Variants in DNAJA4 observed in about 807,000 individuals in gnomAD.
The protein encoded by DNAJA4 is dnaJ homolog subfamily A member 4.
A neutral mutation model predicts 39.7 loss-of-function variants in DNAJA4; 32 were observed. The observed-to-expected ratio is 0.81, with a 90% CI of 0.61 to 1.08. The LOEUF (loss-of-function observed/expected upper bound fraction) is 1.08. DNAJA4 is among the 50% of genes least tolerant of loss of function. The pLI, the probability that DNAJA4 is intolerant of heterozygous loss-of-function variation, is 0.00. For synonymous variants in DNAJA4, 184 were observed against 182.4 expected (o/e 1.01, Z -0.07); for missense variants, 439 against 505.1 (o/e 0.87, Z 1.25).
At chr15:78,266,512 T>TG (rs2049126828) in intron 1 of DNAJA4, among the ~76,000 whole-genome samples, 1 of 152,224 alleles carries the variant, frequency 6.6e-6, no homozygotes, top group South Asian at 2.1e-4. Flanking sequence ...CAGTGAGGTC[T>TG]GGCAGGCCCA....
intron 1 of DNAJA4, among the ~76,000 whole-genome samples, chr15:78,268,877 A>G (rs985203085): frequency 2.6e-5 from 4 of 152,154 alleles, no homozygotes; most frequent in Admixed American, 2.6e-4. Context: ...GTGGTTCATG[A>G]TATGGAGAAA....
chr15:78,264,821 G>C lies in DNAJA4; in HGVS notation c.58G>C (p.Glu20Gln), dbSNP rs148533324. 9.9e-6 allele frequency: 16 copies of C among 1,611,168 alleles called. No individual in the cohort carries two copies. The African/African-American group carries it at 2.1e-4, about 22-fold the overall frequency. Residue 20 changes from glutamate to glutamine, a missense_variant, in exon 1 of 7, where the codon GAG (glutamate) becomes CAG (glutamine). Coordinates refer to ENST00000394852, the MANE Select transcript of DNAJA4 (RefSeq NM_001130182.2). ...GGGCGTGAAGCCCAGCGCGTCCCCGGAGGAGATCAAGAAGGCCTATCGGAA... is the reference window on the plus strand; with the variant it reads ...GGGCGTGAAGCCCAGCGCGTCCCCGCAGGAGATCAAGAAGGCCTATCGGAA... ...ILGVKPSASP[E>Q]EIKKAYRKLA...
intron 1 of DNAJA4, among the ~76,000 whole-genome samples, chr15:78,267,915 C>T (rs376383505): frequency 3.9e-5 from 6 of 152,284 alleles, no homozygotes; most frequent in African/African-American, 1.4e-4. Flanking sequence ...GGCAAATGAT[C>T]ATGGTCTGAA....
chr15:78,278,923 C>T (rs1311735150), intron 5 of DNAJA4, among the ~76,000 whole-genome samples: 2 of 149,960 alleles, frequency 1.3e-5, no homozygotes, highest in Non-Finnish European at 3.0e-5. Flanking sequence ...CCCGCCTCGG[C>T]CTCCCAAAGT....
At chr15:78,265,448 A>G (rs1170930214) in intron 1 of DNAJA4, 8 of 702,038 alleles carry the variant, frequency 1.1e-5, no homozygotes, top group Non-Finnish European at 1.8e-5. Context: ...AAAGCGTCAG[A>G]TAGTGAATAA....
intron 1 of DNAJA4, among the ~76,000 whole-genome samples, chr15:78,266,530 G>A (rs968068035): frequency 1.2e-4 from 18 of 152,156 alleles, no homozygotes; most frequent in African/African-American, 4.3e-4. Context: ...CCATCAGCTT[G>A]GAGGGAAGGG....
At chr15:78,269,619 T>C (rs2049238557) in intron 1 of DNAJA4, among the ~76,000 whole-genome samples, 1 of 152,100 alleles carries the variant, frequency 6.6e-6, no homozygotes, top group African/African-American at 2.4e-5. Context: ...TACATAACCA[T>C]AGTAAAGTTA....
intron 1 of DNAJA4, chr15:78,265,378 C>T: frequency 3.0e-6 from 2 of 664,602 alleles, no homozygotes; most frequent in South Asian, 3.4e-5. Context: ...GGACAAACGC[C>T]GTGCCTCTCT....
At chr15:78,278,383 G>A (rs78994386) in intron 5 of DNAJA4, 39,282 of 436,094 alleles carry the variant, frequency 0.09, 1,943 homozygotes, top group East Asian at 0.14. Context: ...ATTGTTTGGC[G>A]ATGTCGTTGT....
chr15:78,270,319 C>T, intron 1 of DNAJA4, 178 bp from the exon 2 acceptor site: 1 of 614,402 alleles, frequency 1.6e-6, no homozygotes, highest in Non-Finnish European at 2.8e-6. Flanking sequence ...GTGTTTCCCA[C>T]TTTACCAAAG....
At chr15:78,267,554 G>A (rs2049178178) in intron 1 of DNAJA4, among the ~76,000 whole-genome samples, 1 of 151,834 alleles carries the variant, frequency 6.6e-6, no homozygotes, top group Admixed American at 6.6e-5. Context: ...GCAATGATGT[G>A]GGGTATATTC....
intron 4 of DNAJA4, 89 bp downstream of exon 4, chr15:78,274,513 G>A: frequency 8.6e-7 from 1 of 1,161,944 alleles, no homozygotes; most frequent in Non-Finnish European, 1.3e-6. Flanking sequence ...TGTCAGGGAA[G>A]TGAGCTGTAT....
At chr15:78,271,632 C>G (rs1009239578) in intron 2 of DNAJA4, among the ~76,000 whole-genome samples, 18 of 152,198 alleles carry the variant, frequency 1.2e-4, no homozygotes, top group Non-Finnish European at 2.6e-4. Flanking sequence ...AGCTCAATGG[C>G]CCCAGGCCAC....
In DNAJA4 at chr15:78,274,405, C is replaced by T. The variant is rs750983168; in HGVS notation, c.627C>T (p.Ile209=). 5.0e-6 allele frequency: 8 copies of T among 1,614,044 alleles called. No homozygotes were observed. The highest frequency in any genetic ancestry group is 2.2e-5 in the East Asian group (1 of 44,878). Residue 209 remains isoleucine, a synonymous_variant, in exon 4 of 7, where the codon ATC becomes ATT. Coordinates refer to ENST00000394852, the MANE Select transcript of DNAJA4 (RefSeq NM_001130182.2). The part of the protein sequence containing the change: ...GAKVIREKKI[I]EVHVEKGMKD... ...AGGTGATCCGTGAGAAGAAGATTAT[C>T]GAGGTACATGTTGAAAAAGGTGAGG...
rs1016166255 is a variant in DNAJA4 at position 78,273,301 on chromosome 15, T to C, written c.418+102T>C. 23 of 770,080 alleles carry C rather than the reference T, an allele frequency of 3.0e-5. No individual in the cohort carries two copies. In the Admixed American group the frequency reaches 5.6e-4, roughly 19 times the overall value. 47.7% of individuals were successfully genotyped at this position (770,080 alleles called of 1,614,324 possible). On this transcript the variant is annotated intron_variant, in intron 3 of 6. Transcript: ENST00000394852. ...GGAAAATAAGTTATCTTTTTTCAAA[T>C]GCAAGGGTCAAGCAGAGATTACAAA...
chr15:78,264,227 C>T (rs544652414), upstream of DNAJA4: 18 of 1,019,294 alleles, frequency 1.8e-5, no homozygotes, highest in Middle Eastern at 3.4e-4. Flanking sequence ...CACGGACCCA[C>T]GGAAGGGCAA....
At chr15:78,264,332 C>T, upstream of DNAJA4, 1 of 1,424,378 alleles carries the variant, frequency 7.0e-7, no homozygotes, top group Non-Finnish European at 9.2e-7. Context: ...GGGCGGCAGT[C>T]AGAGCTGGAG....
chr15:78,268,870 G>A (rs139950459), intron 1 of DNAJA4, among the ~76,000 whole-genome samples: 207 of 152,348 alleles, frequency 1.4e-3, no homozygotes, highest in African/African-American at 4.6e-3. Flanking sequence ...TTAGAAGGTG[G>A]TTCATGATAT....
Position 78,279,426 on chromosome 15 carries a change from C to T in DNAJA4, c.878-619C>T, listed in dbSNP as rs1050326907. ...GGGGTCTGAACTCCTCTGATGCCTT[C>T]CAAAGTCACGTAGCTGTAAGACCCA... On this transcript the variant is annotated intron_variant, in intron 5 of 6. Transcript: ENST00000394852. This position sits in a 1 kb window ranked among gnomAD's most constrained non-coding sequence, Gnocchi z 4.5. 1.3e-5 allele frequency: 2 copies of T among 154,192 alleles called. No individual in the cohort carries two copies. Among genetic ancestry groups the T allele is most frequent in the Non-Finnish European group, 2.9e-5 (2 of 69,286 alleles). 9.6% of individuals were successfully genotyped at this position (154,192 alleles called of 1,614,324 possible). A position where few individuals can be genotyped will look rare whatever the true frequency, so the allele number is the denominator to read the frequency against.
Sources: allele counts gnomAD v4.1 joint callset (sites outside exome capture counted in the v4.1 genomes callset), GRCh38; gene constraint gnomAD v4.1.1; non-coding constraint Gnocchi (gnomAD v3.1); transcripts MANE v1.5; gene names NCBI Gene and HGNC (gene_info 2026-07-23, HGNC 2026-07-21).